BRCA1: variants seen among roughly 807,000 people sequenced by gnomAD.
BRCA1 encodes the protein breast cancer type 1 susceptibility protein.
A neutral mutation model predicts 173.7 loss-of-function variants in BRCA1; 140 were observed. The ratio of observed to expected loss-of-function variants is 0.81; its 90% CI spans 0.70 to 0.93. The LOEUF (loss-of-function observed/expected upper bound fraction) is 0.93, where lower values mean the gene tolerates loss of function less well. BRCA1 is among the 40% of genes least tolerant of loss of function. BRCA1 has a pLI of 0.00. For missense variants in BRCA1, 1,983 were observed against 2,172.5 expected, an observed-to-expected ratio of 0.91 and a Z score of 1.73; for synonymous variants, 662 against 756.0, an observed-to-expected ratio of 0.88 and a Z score of 2.04.
At chr17:43,083,393 T>C (rs995516584) in intron 11 of BRCA1, among the ~76,000 whole-genome samples, 1 of 152,140 alleles carries the variant, frequency 6.6e-6, no homozygotes, top group Non-Finnish European at 1.5e-5. Context: ...TGACCTCAAG[T>C]GATCAGCCCG....
At chr17:43,072,481 C>T (rs935193962) in intron 14 of BRCA1, among the ~76,000 whole-genome samples, 13 of 151,862 alleles carry the variant, frequency 8.6e-5, no homozygotes, top group African/African-American at 3.2e-4. Context: ...GGCTCACCTG[C>T]AGCCTTGACC....
chr17:43,152,401 G>A (rs1002481245), intron 1 of BRCA1, among the ~76,000 whole-genome samples: 3 of 152,142 alleles, frequency 2.0e-5, no homozygotes, highest in Non-Finnish European at 4.4e-5. Flanking sequence ...TAGTAGAGAC[G>A]CAAGAGAAAT....
At chr17:43,119,923 G>C (rs1245140697) in intron 2 of BRCA1, among the ~76,000 whole-genome samples, 1 of 152,186 alleles carries the variant, frequency 6.6e-6, no homozygotes, top group African/African-American at 2.4e-5. Context: ...AATGAATGTT[G>C]AAGGAAGACT....
chr17:43,102,542 A>G (rs1216713698), intron 6 of BRCA1, among the ~76,000 whole-genome samples: 1 of 151,282 alleles, frequency 6.6e-6, no homozygotes, highest in Non-Finnish European at 1.5e-5. Flanking sequence ...TTTTTAGTAG[A>G]GACCGGGTTT....
rs56187033 is a variant in BRCA1, at chr17:43,099,786, T to C, written c.536A>G (p.Tyr179Cys). The change falls in exon 7 of 23, where the codon TAC becomes TGC. Residue 179 changes from tyrosine (Y) to cysteine (C), a missense_variant. Coordinates refer to ENST00000357654, the MANE Select transcript of BRCA1 (RefSeq NM_007294.4). ...CCTGAGACCCTTACCCAATTCAATG[T>C]AGACAGACGTCTTTTGAGGTTGTAT... ...QRIQPQKTSV[Y>C]IELGSDSSED... 3.4e-4 allele frequency: 542 copies of C among 1,608,112 alleles called. 8 individuals carry two copies. In the Middle Eastern group the frequency reaches 0.019, roughly 55 times the overall value.
At chr17:43,102,874 T>G (rs1017824110) in intron 6 of BRCA1, among the ~76,000 whole-genome samples, 10 of 152,028 alleles carry the variant, frequency 6.6e-5, no homozygotes, top group African/African-American at 2.4e-4. Context: ...AAACTGGTCT[T>G]GAACTCCTGA....
chr17:43,129,566 C>T (rs1211314063), upstream of BRCA1, among the ~76,000 whole-genome samples: 9 of 152,098 alleles, frequency 5.9e-5, no homozygotes, highest in African/African-American at 1.7e-4. Context: ...CTCTGTCTCC[C>T]GGGTTCACGC....
At chr17:43,084,957 A>G (rs943888275) in intron 11 of BRCA1, among the ~76,000 whole-genome samples, 12 of 152,344 alleles carry the variant, frequency 7.9e-5, no homozygotes, top group African/African-American at 2.6e-4. Flanking sequence ...AATTATTAAT[A>G]GATAACTTTC....
chr17:43,081,537 G>A (rs190232876), intron 12 of BRCA1, among the ~76,000 whole-genome samples: 40 of 152,296 alleles, frequency 2.6e-4, no homozygotes, highest in African/African-American at 7.5e-4. Context: ...GAATCACTGA[G>A]CTAGGAATGA....
intron 6 of BRCA1, among the ~76,000 whole-genome samples, chr17:43,100,931 A>G (rs1410464840): frequency 6.6e-6 from 1 of 150,794 alleles, no homozygotes; most frequent in Non-Finnish European, 1.5e-5. Flanking sequence ...AGGTTTCGCC[A>G]TGTTGGCCAG....
intron 1 of BRCA1, among the ~76,000 whole-genome samples, chr17:43,165,266 C>T (rs549131339): frequency 5.8e-4 from 88 of 152,192 alleles, no homozygotes; most frequent in African/African-American, 2.0e-3. Flanking sequence ...CTTTAATGTC[C>T]AGTTCACAGA....
rs966542418 is a variant in BRCA1 at position 43,044,561 on chromosome 17, CT to C, written c.*1116del. The C allele has an allele frequency of 6.1e-5, 31 of 505,960 alleles. No individual in the cohort carries two copies. The highest frequency in any genetic ancestry group is 1.0e-4 in the Non-Finnish European group (27 of 258,378). The allele number at this position is 505,960 out of a possible 1,614,324, so 31.3% of individuals were successfully genotyped here. A position where few individuals can be genotyped will look rare whatever the true frequency, so the allele number is the denominator to read the frequency against. ...TCACCTCAAAGAAAGCAACAGCTTC[CT>C]TCCTGGTGGGATCTGTCATTTTATA... On this transcript the variant is annotated 3_prime_UTR_variant, in exon 23 of 23. Coordinates refer to ENST00000357654, the MANE Select transcript of BRCA1 (RefSeq NM_007294.4).
chr17:43,161,658 C>T (rs1322050439), intron 1 of BRCA1: 1 of 152,096 alleles, frequency 6.6e-6, no homozygotes, highest in Non-Finnish European at 1.5e-5. Flanking sequence ...TGTAGTCTTC[C>T]TACAGGAAGG....
In BRCA1 at chr17:43,094,275, A is replaced by G. The variant is rs398122628; in HGVS notation, c.1256T>C (p.Val419Ala). Residue 419 changes from valine to alanine, a missense_variant, in exon 10 of 23, where the codon GTA (valine) becomes GCA (alanine). Transcript: ENST00000357654. ...CTCTGAAGAACCAGAATATTCATCT[A>G]CCTCATTTAGAACGTCCAATACATC... Reference protein sequence around the residue: ...VADVLDVLNEVDEYSGSSEKI... With the variant: ...VADVLDVLNEADEYSGSSEKI... 6.2e-7 allele frequency: 1 copy of G among 1,614,094 alleles called. No homozygotes were observed. The highest frequency in any genetic ancestry group is 8.5e-7 in the Non-Finnish European group (1 of 1,180,024).
chr17:43,117,986 G>A (rs1463763910), intron 2 of BRCA1, among the ~76,000 whole-genome samples: 2 of 151,966 alleles, frequency 1.3e-5, no homozygotes, highest in African/African-American at 2.4e-5. Flanking sequence ...CAGTTGATAC[G>A]GAATTAAAGA....
chr17:43,105,096 A>T, intron 4 of BRCA1, 140 bp from the exon 5 acceptor site: 1 of 700,606 alleles, frequency 1.4e-6, no homozygotes, highest in Non-Finnish European at 2.5e-6. Flanking sequence ...TACATCATTG[A>T]CATCTGTATA....
intron 20 of BRCA1, among the ~76,000 whole-genome samples, 182 bp downstream of exon 20, chr17:43,050,881 T>G (rs1431655708): frequency 6.6e-6 from 1 of 151,344 alleles, no homozygotes. Flanking sequence ...CAAGGTATAG[T>G]TTTTTTTTGC....
chr17:43,100,302 C>T (rs2054327264), intron 6 of BRCA1, among the ~76,000 whole-genome samples: 1 of 150,942 alleles, frequency 6.6e-6, no homozygotes, highest in African/African-American at 2.4e-5. Context: ...TATTTTGAAG[C>T]TGATACTTGA....
At chr17:43,076,458 C>G (rs2154055804) in intron 13 of BRCA1, 30 bp downstream of exon 13, 1 of 1,611,154 alleles carries the variant, frequency 6.2e-7, no homozygotes, top group Non-Finnish European at 8.5e-7. Context: ...ATGTCAGATA[C>G]CACAGCATCT....
Sources: gnomAD v4.1 joint callset for allele counts (sites outside exome capture counted in the v4.1 genomes callset) on GRCh38, gnomAD v4.1.1 for gene constraint, MANE v1.5 for transcripts, NCBI Gene and HGNC (gene_info 2026-07-23, HGNC 2026-07-21) for gene names.